The following PXMP2 variants were observed in gnomAD, a reference collection of about 807,000 sequenced individuals.
The protein encoded by PXMP2 is peroxisomal membrane protein 2.
PXMP2 carries 13 observed loss-of-function variants against 20.2 expected under a neutral mutation model. That is an observed-to-expected ratio of 0.64 (90% confidence interval 0.42 to 1.02). The LOEUF (loss-of-function observed/expected upper bound fraction) is 1.02, where lower values mean the gene tolerates loss of function less well. Ranked by LOEUF, PXMP2 falls within the 50% of genes least tolerant of loss-of-function variation. PXMP2 has a pLI of 0.00. For synonymous variants in PXMP2, 113 were observed against 111.2 expected, an observed-to-expected ratio of 1.02 and a Z score of -0.10; for missense variants, 284 against 251.8, an observed-to-expected ratio of 1.13 and a Z score of -0.87.
Position 132,696,011 on chromosome 12 carries a change from C to T in PXMP2, c.364C>T (p.Leu122Phe), listed in dbSNP as rs2043408485. The T allele has an allele frequency of 6.2e-7, 1 of 1,610,130 alleles. No individual in the cohort carries two copies. The highest frequency in any genetic ancestry group is 1.1e-5 in the South Asian group (1 of 89,660). Residue 122 changes from leucine to phenylalanine, a missense_variant, in exon 3 of 5, where the codon CTC becomes TTC. Transcript: ENST00000317479. The surrounding 1 kb of genome is among the most constrained non-coding windows in gnomAD (Gnocchi z 4.4). ...LDRLVFAPAF[L>F]MLFFLIMNFL... ...CCGCCTCGTCTTTGCACCGGCCTTC[C>T]TCATGTTGTTCTTCCTCATCATGAA...
chr12:132,689,449 T>A (rs1201053090), intron 1 of PXMP2, among the ~76,000 whole-genome samples: 1 of 152,092 alleles, frequency 6.6e-6, no homozygotes, highest in Non-Finnish European at 1.5e-5. Flanking sequence ...AGGCCGGCGT[T>A]AAAGAAAGGC....
chr12:132,702,092 AAAAT>A (rs1417328760), intron 4 of PXMP2, among the ~76,000 whole-genome samples: 1 of 152,212 alleles, frequency 6.6e-6, no homozygotes, highest in African/African-American at 2.4e-5. Flanking sequence ...CCTGTCTCAA[AAAAT>A]AAATAAAATG....
intron 3 of PXMP2, among the ~76,000 whole-genome samples, chr12:132,699,692 G>T (rs900836852): frequency 6.6e-6 from 1 of 151,890 alleles, no homozygotes; most frequent in Non-Finnish European, 1.5e-5. Context: ...ACCGTGCGCG[G>T]CCGAGTTCAT....
rs901183074 is a variant in PXMP2, at chr12:132,696,794, C to T, written c.399+748C>T. On this transcript the variant is annotated intron_variant, in intron 3 of 4. Transcript: ENST00000317479. This position sits in a 1 kb window ranked among gnomAD's most constrained non-coding sequence, Gnocchi z 4.4. The stretch of plus-strand genomic sequence containing the variant: ...TAGCCTGGGTAATAGAGCCAGACTC[C>T]GTCTCAAAAACAAAAAACAAAACAA... Among the ~76,000 whole-genome samples, 20 of 150,392 alleles carry T rather than the reference C, an allele frequency of 1.3e-4. No homozygotes were observed. The highest frequency in any genetic ancestry group is 9.9e-4 in the East Asian group (5 of 5,040).
chr12:132,699,526 C>CTTTTTTTTTT (rs67730658), intron 3 of PXMP2, among the ~76,000 whole-genome samples: 2 of 100,522 alleles, frequency 2.0e-5, no homozygotes, highest in African/African-American at 7.9e-5. Context: ...AAAAGACATG[C>CTTTTTTTTTT]TTTTTTTTTT....
intron 4 of PXMP2, among the ~76,000 whole-genome samples, chr12:132,702,230 G>A (rs2043446858): frequency 6.6e-6 from 1 of 152,264 alleles, no homozygotes; most frequent in Non-Finnish European, 1.5e-5. Context: ...TGCAGCCATG[G>A]CAGCCACACC....
intron 2 of PXMP2, among the ~76,000 whole-genome samples, chr12:132,693,732 G>A: frequency 1.4e-5 from 1 of 74,010 alleles, no homozygotes; most frequent in Non-Finnish European, 3.5e-5. Context: ...GAGCTCCCTT[G>A]CCAGTTAGTT....
At chr12:132,704,104 G>A (rs997161015) in intron 4 of PXMP2, among the ~76,000 whole-genome samples, 2 of 152,202 alleles carry the variant, frequency 1.3e-5, no homozygotes, top group African/African-American at 4.8e-5. Flanking sequence ...CACATGGGCT[G>A]CTACTTTCAT....
Position 132,696,103 on chromosome 12 carries a change from C to G in PXMP2, c.399+57C>G. 1.3e-6 allele frequency: 2 copies of G among 1,485,846 alleles called. No homozygotes were observed. The highest frequency in any genetic ancestry group is 1.8e-6 in the Non-Finnish European group (2 of 1,105,568). 92.0% of individuals were successfully genotyped at this position (1,485,846 alleles called of 1,614,324 possible). ...CTTCGTTTAGCACAGGGATTCTTCA[C>G]CTGACATTCTCGGCAGAATTCAGAG... On this transcript the variant is annotated intron_variant, in intron 3 of 4. Transcript: ENST00000317479. This position sits in a 1 kb window ranked among gnomAD's most constrained non-coding sequence, Gnocchi z 4.4.
intron 2 of PXMP2, among the ~76,000 whole-genome samples, chr12:132,695,640 G>A (rs774558295): frequency 2.6e-5 from 4 of 152,214 alleles, no homozygotes; most frequent in African/African-American, 7.2e-5. Flanking sequence ...GAGGAGGAGC[G>A]AGCCAACATA....
chr12:132,701,424 C>A, intron 4 of PXMP2, 55 bp downstream of exon 4: 3 of 1,586,404 alleles, frequency 1.9e-6, no homozygotes, highest in Non-Finnish European at 2.6e-6. Context: ...CCTTTTCCTT[C>A]CTTCCTTCCT....
At chr12:132,699,222 G>A (rs1418745459) in intron 3 of PXMP2, among the ~76,000 whole-genome samples, 3 of 152,152 alleles carry the variant, frequency 2.0e-5, no homozygotes, top group Non-Finnish European at 4.4e-5. Flanking sequence ...GTCGAGACCA[G>A]CCTGGGCAAC....
At chr12:132,698,407 C>T (rs1281266861) in intron 3 of PXMP2, among the ~76,000 whole-genome samples, 3 of 152,248 alleles carry the variant, frequency 2.0e-5, no homozygotes, top group African/African-American at 7.2e-5. Flanking sequence ...TATTCTCCTT[C>T]ATGCCTTTCC....
In PXMP2 at chr12:132,695,895, C is replaced by T. The variant is rs754992250; in HGVS notation, c.248C>T (p.Thr83Ile). 2 of 1,605,718 alleles carry T rather than the reference C, an allele frequency of 1.2e-6. No individual in the cohort carries two copies. Residue 83 changes from threonine to isoleucine, a missense_variant, in exon 3 of 5, where the codon ACA (threonine) becomes ATA (isoleucine). By Grantham distance (89) the Thr-to-Ile change is moderately conservative. Transcript: ENST00000317479. ...LRYAVYGFFF[T>I]GPLSHFFYFF... The stretch of plus-strand genomic sequence containing the variant: ...CCTGGGGGCCTCAGGTTCTTCTTCA[C>T]AGGGCCGCTGAGTCACTTCTTCTAC...
At chr12:132,688,317 C>CGCGGGTG (rs2043332675) in intron 1 of PXMP2, among the ~76,000 whole-genome samples, 1 of 129,682 alleles carries the variant, frequency 7.7e-6, no homozygotes, top group Non-Finnish European at 1.6e-5. Context: ...GTCTGCGGGG[C>CGCGGGTG]ACGGGTGAAG....
At chr12:132,693,823 C>T in intron 2 of PXMP2, among the ~76,000 whole-genome samples, 1 of 99,198 alleles carries the variant, frequency 1.0e-5, no homozygotes, top group African/African-American at 3.7e-5. Context: ...AGTTAGTGAG[C>T]TCCCTTGCCA....
intron 3 of PXMP2, among the ~76,000 whole-genome samples, chr12:132,700,998 A>G (rs1326168890): frequency 6.6e-6 from 1 of 152,104 alleles, no homozygotes; most frequent in Non-Finnish European, 1.5e-5. Context: ...AGTTGTCCGC[A>G]AGGAGTTTTG....
chr12:132,694,500 T>TA (rs1295654660), intron 2 of PXMP2, among the ~76,000 whole-genome samples: 6 of 68,454 alleles, frequency 8.8e-5, no homozygotes, highest in Non-Finnish European at 1.9e-4. Context: ...TGAGCGCCCT[T>TA]GCCAGTTAGT....
At chr12:132,694,392 TAGTTAGTGAGCGCCCTTGCC>T (rs1214831813) in intron 2 of PXMP2, among the ~76,000 whole-genome samples, 14 of 92,850 alleles carry the variant, frequency 1.5e-4, no homozygotes, top group African/African-American at 5.5e-4. Context: ...CCTTGCCAGT[TAGTTAGTGAGCGCCCTTGCC>T]AGTTAGTGAG....
Sources: gnomAD v4.1 joint callset for allele counts (sites outside exome capture counted in the v4.1 genomes callset) on GRCh38, gnomAD v4.1.1 for gene constraint, Gnocchi (gnomAD v3.1) non-coding constraint, MANE v1.5 for transcripts, NCBI Gene and HGNC (gene_info 2026-07-23, HGNC 2026-07-21) for gene names.